MDGA2: variants seen among roughly 807,000 people sequenced by gnomAD.
MDGA2 encodes MAM domain containing glycosylphosphatidylinositol anchor 2, also known as MAM domain-containing glycosylphosphatidylinositol anchor protein 2.
A neutral mutation model predicts 117.8 loss-of-function variants in MDGA2; 40 were observed. The observed-to-expected ratio is 0.34, with a 90% CI of 0.26 to 0.44. The LOEUF is 0.44. Ranked by LOEUF, MDGA2 falls within the 20% of genes least tolerant of loss-of-function variation. The probability of loss-of-function intolerance (pLI) is 1.00; values close to 1 mark genes in which losing one functional copy is unlikely to be tolerated. For synonymous variants in MDGA2, 452 were observed against 439.0 expected (o/e 1.03, Z -0.37); for missense variants, 1,123 against 1,250.6 (o/e 0.90, Z 1.54).
At chr14:47,393,351 T>C (rs918284478) in intron 1 of MDGA2, among the ~76,000 whole-genome samples, 1 of 151,062 alleles carries the variant, frequency 6.6e-6, no homozygotes, top group Non-Finnish European at 1.5e-5. Flanking sequence ...GGTTTTCATT[T>C]TTCAAACTTT....
chr14:47,606,267 C>A (rs984427626), intron 1 of MDGA2, among the ~76,000 whole-genome samples: 3 of 152,120 alleles, frequency 2.0e-5, no homozygotes, highest in Non-Finnish European at 4.4e-5. Flanking sequence ...CAAAGTTGAT[C>A]TACCAGCCAG....
In MDGA2 at chr14:47,627,316, T is replaced by A. The variant is rs1046335429; in HGVS notation, c.280+47201A>T. Among the ~76,000 whole-genome samples, 10 of 152,048 alleles carry A rather than the reference T, an allele frequency of 6.6e-5. No individual in the cohort carries two copies. In the South Asian group the frequency reaches 1.9e-3, roughly 28 times the overall value. Reference sequence around the variant, plus strand: ...ATTGTGAATGCACCAATCGGCACTCTGCATCTAGCTCAAGGTTTGTGAATG... The same window carrying A: ...ATTGTGAATGCACCAATCGGCACTCAGCATCTAGCTCAAGGTTTGTGAATG... On this transcript the variant is annotated intron_variant, in intron 1 of 16. Transcript: ENST00000399232.
intron 1 of MDGA2, among the ~76,000 whole-genome samples, chr14:47,318,935 T>C (rs1172935529): frequency 1.3e-5 from 2 of 152,206 alleles, no homozygotes; most frequent in East Asian, 3.8e-4. Flanking sequence ...CCTAACTGAT[T>C]GTCACTTGAT....
At chr14:47,095,414 G>A (rs559101304) in intron 6 of MDGA2, among the ~76,000 whole-genome samples, 6 of 151,854 alleles carry the variant, frequency 4.0e-5, no homozygotes, top group Non-Finnish European at 5.9e-5. Context: ...TTTAGAAGTC[G>A]AGTTCTGAGT....
chr14:46,997,948 C>A (rs1566566336), intron 8 of MDGA2, among the ~76,000 whole-genome samples: 1 of 151,988 alleles, frequency 6.6e-6, no homozygotes, highest in Non-Finnish European at 1.5e-5. Context: ...TCTGTAGACA[C>A]TTTAAGTTTA....
At chr14:47,338,368 A>T (rs1406598617) in intron 1 of MDGA2, among the ~76,000 whole-genome samples, 2 of 151,950 alleles carry the variant, frequency 1.3e-5, no homozygotes, top group Non-Finnish European at 2.9e-5. Flanking sequence ...TAAAAACACA[A>T]AAGGTCTATC....
chr14:47,448,929 G>C (rs1333627122), intron 1 of MDGA2, among the ~76,000 whole-genome samples: 1 of 152,170 alleles, frequency 6.6e-6, no homozygotes, highest in Non-Finnish European at 1.5e-5. Context: ...TTGGTGTCCA[G>C]AGAGTTGGAG....
intron 1 of MDGA2, among the ~76,000 whole-genome samples, chr14:47,408,214 C>T (rs1277325741): frequency 1.3e-5 from 2 of 151,982 alleles, no homozygotes; most frequent in East Asian, 1.9e-4. Flanking sequence ...CGCCACCATG[C>T]CCAGCTAATT....
At chr14:47,391,208 C>T (rs763550509) in intron 1 of MDGA2, among the ~76,000 whole-genome samples, 8 of 152,184 alleles carry the variant, frequency 5.3e-5, no homozygotes, top group Non-Finnish European at 1.0e-4. Flanking sequence ...AGTGCAAACT[C>T]TGCTGTGATT....
chr14:46,867,440 C>T (rs530882137), intron 14 of MDGA2, among the ~76,000 whole-genome samples: 1 of 152,048 alleles, frequency 6.6e-6, no homozygotes, highest in South Asian at 2.1e-4. Context: ...ATACCTAATG[C>T]TAGATGACGA....
At chr14:47,009,216 TA>T (rs1403158386) in intron 8 of MDGA2, among the ~76,000 whole-genome samples, 6 of 152,160 alleles carry the variant, frequency 3.9e-5, no homozygotes, top group African/African-American at 1.4e-4. Context: ...TGCTTATATA[TA>T]AATTTATTCT....
chr14:47,135,954 A>G lies in MDGA2; in HGVS notation c.793-4108T>C, dbSNP rs1030364502. Among the ~76,000 whole-genome samples, 14 of 152,250 alleles carry G rather than the reference A, an allele frequency of 9.2e-5. No individual in the cohort carries two copies. The East Asian group carries it at 1.9e-3, about 21-fold the overall frequency. ...AATGAGATAAGATTTCAAAGCTTGG[A>G]AAAGGTCATATTAGAGGGGCTATGA... is the stretch of plus-strand genomic sequence containing the variant. On this transcript the variant is annotated intron_variant, in intron 4 of 16. Transcript: ENST00000399232.
At chr14:47,069,227 C>G (rs1396849998) in intron 6 of MDGA2, among the ~76,000 whole-genome samples, 3 of 152,196 alleles carry the variant, frequency 2.0e-5, no homozygotes, top group Non-Finnish European at 4.4e-5. Flanking sequence ...TAGTAATGAT[C>G]TCCTAATCAA....
chr14:46,962,551 T>C (rs891038990), intron 8 of MDGA2, among the ~76,000 whole-genome samples: 1 of 152,230 alleles, frequency 6.6e-6, no homozygotes, highest in Non-Finnish European at 1.5e-5. Flanking sequence ...TGTAACTTCA[T>C]TGTACTTCTT....
At chr14:47,526,206 T>C (rs1403495786) in intron 1 of MDGA2, among the ~76,000 whole-genome samples, 1 of 152,198 alleles carries the variant, frequency 6.6e-6, no homozygotes, top group African/African-American at 2.4e-5. Flanking sequence ...AAATAATCTA[T>C]TAAATATGTT....
chr14:47,573,347 GC>G (rs769447829), intron 1 of MDGA2, among the ~76,000 whole-genome samples: 15 of 152,194 alleles, frequency 9.9e-5, no homozygotes, highest in Admixed American at 1.3e-4. Flanking sequence ...ACTATTACTA[GC>G]TCTGAAAAAG....
intron 1 of MDGA2, among the ~76,000 whole-genome samples, chr14:47,586,353 T>C (rs1278155053): frequency 6.6e-6 from 1 of 151,936 alleles, no homozygotes; most frequent in Admixed American, 6.6e-5. Context: ...TCACTCATGG[T>C]TCCTGTTTCA....
chr14:47,138,962 G>A (rs1882586336), intron 4 of MDGA2, among the ~76,000 whole-genome samples: 1 of 151,784 alleles, frequency 6.6e-6, no homozygotes, highest in African/African-American at 2.4e-5. Flanking sequence ...CTATAAAAAG[G>A]TATAAACAAG....
At chr14:47,033,625 G>C (rs1028790167) in intron 8 of MDGA2, among the ~76,000 whole-genome samples, 2 of 152,088 alleles carry the variant, frequency 1.3e-5, no homozygotes, top group African/African-American at 2.4e-5. Flanking sequence ...TGAGAAAAAG[G>C]CAATATTAAA....
Sources: gnomAD v4.1 joint callset for allele counts (sites outside exome capture counted in the v4.1 genomes callset) on GRCh38, gnomAD v4.1.1 for gene constraint, MANE v1.5 for transcripts, NCBI Gene and HGNC (gene_info 2026-07-23, HGNC 2026-07-21) for gene names.